The following APPBP2 variants were observed in gnomAD, a reference collection of about 807,000 sequenced individuals.
The protein encoded by APPBP2 is amyloid beta precursor protein binding protein 2, also known as amyloid protein-binding protein 2.
In APPBP2, 15 loss-of-function variants were observed where a neutral mutation model predicts 76.0. The observed-to-expected ratio is 0.20, with a 90% CI of 0.13 to 0.30. The LOEUF (loss-of-function observed/expected upper bound fraction) is 0.30. APPBP2 is among the 10% of genes least tolerant of loss of function. The pLI, the probability that APPBP2 is intolerant of heterozygous loss-of-function variation, is 1.00. For missense variants in APPBP2, 401 were observed against 687.2 expected (o/e 0.58, Z 4.66); for synonymous variants, 222 against 242.2 (o/e 0.92, Z 0.77).
chr17:60,494,050 T>C (rs772177404), intron 3 of APPBP2, among the ~76,000 whole-genome samples: 3 of 152,182 alleles, frequency 2.0e-5, no homozygotes, highest in Admixed American at 6.6e-5. Context: ...ATGGGAAAAC[T>C]GAGGCTCCGA....
intron 3 of APPBP2, among the ~76,000 whole-genome samples, chr17:60,482,962 G>A (rs1224181357): frequency 6.6e-6 from 1 of 152,088 alleles, no homozygotes; most frequent in Non-Finnish European, 1.5e-5. Flanking sequence ...GGGATTGCAG[G>A]GTCAAATAGT....
chr17:60,462,391 AG>A, intron 6 of APPBP2: 1 of 215,068 alleles, frequency 4.6e-6, no homozygotes, highest in Non-Finnish European at 9.1e-6. Flanking sequence ...AATTTACCAC[AG>A]CATTTTCTAA....
chr17:60,462,900 G>A (rs1261819249), intron 6 of APPBP2, among the ~76,000 whole-genome samples: 2 of 146,350 alleles, frequency 1.4e-5, no homozygotes, highest in African/African-American at 2.6e-5. Context: ...GCAGTGACCC[G>A]AGATCGCGCC....
chr17:60,475,760 A>G (rs2090586352), intron 4 of APPBP2, among the ~76,000 whole-genome samples: 2 of 152,052 alleles, frequency 1.3e-5, no homozygotes, highest in South Asian at 4.1e-4. Context: ...AACCCACCAA[A>G]GGAATACATG....
chr17:60,485,333 A>G (rs7209764), intron 3 of APPBP2, among the ~76,000 whole-genome samples: 31,102 of 152,014 alleles, frequency 0.2, 10,588 homozygotes, highest in African/African-American at 0.71. Flanking sequence ...GTCTGGTCCT[A>G]GACTTCTTTT....
chr17:60,486,722 T>C (rs894427395), intron 3 of APPBP2, among the ~76,000 whole-genome samples: 2 of 152,216 alleles, frequency 1.3e-5, no homozygotes, highest in East Asian at 3.8e-4. Flanking sequence ...ATGTGTGAAT[T>C]TGATCCTGTC....
At chr17:60,448,527 T>C (rs572718889) in intron 12 of APPBP2, among the ~76,000 whole-genome samples, 20 of 152,326 alleles carry the variant, frequency 1.3e-4, no homozygotes, top group African/African-American at 4.8e-4. Flanking sequence ...GCAACAGTAT[T>C]TGTAATTACA....
chr17:60,487,153 A>C (rs2090686465), intron 3 of APPBP2, among the ~76,000 whole-genome samples: 1 of 151,694 alleles, frequency 6.6e-6, no homozygotes, highest in Admixed American at 6.6e-5. Flanking sequence ...TATCTTGGGG[A>C]ATCTGACAAT....
intron 12 of APPBP2, among the ~76,000 whole-genome samples, chr17:60,449,052 C>A (rs566099993): frequency 6.6e-6 from 1 of 152,274 alleles, no homozygotes; most frequent in East Asian, 1.9e-4. Context: ...GTGTAAATAA[C>A]CCCAAGTAAC....
At chr17:60,483,257 C>T (rs1453335409) in intron 3 of APPBP2, among the ~76,000 whole-genome samples, 1 of 152,064 alleles carries the variant, frequency 6.6e-6, no homozygotes, top group Non-Finnish European at 1.5e-5. Flanking sequence ...TGTCCTTTGC[C>T]CACTTTTTGA....
intron 1 of APPBP2, among the ~76,000 whole-genome samples, chr17:60,522,603 G>A (rs2091018628): frequency 1.3e-5 from 2 of 152,282 alleles, no homozygotes; most frequent in Middle Eastern, 6.8e-3. Context: ...TTATGAGTGT[G>A]AGCCCTGCGC....
intron 1 of APPBP2, among the ~76,000 whole-genome samples, chr17:60,513,025 G>A (rs1004850223): frequency 1.3e-5 from 2 of 148,666 alleles, no homozygotes; most frequent in Non-Finnish European, 3.0e-5. Flanking sequence ...GCATCTTGGC[G>A]TGAGACAGCG....
intron 8 of APPBP2, 109 bp from the exon 9 acceptor site, chr17:60,460,896 T>A (rs1021779274): frequency 7.1e-6 from 8 of 1,126,274 alleles, no homozygotes; most frequent in Non-Finnish European, 8.2e-6. Context: ...CCATAAAATT[T>A]TGAAGCCCAG....
At position 60,447,329 on chromosome 17, in the gene APPBP2, C is replaced by T; in HGVS notation, c.*252G>A. 2.8e-6 allele frequency: 1 copy of T among 352,728 alleles called. No individual in the cohort carries two copies. The highest frequency in any genetic ancestry group is 5.0e-6 in the Non-Finnish European group (1 of 198,386). The allele number at this position is 352,728 out of a possible 1,614,324, so 21.8% of individuals were successfully genotyped here. On this transcript the variant is annotated 3_prime_UTR_variant, in exon 13 of 13. Transcript: ENST00000083182. ...TTAAAAACAACAAAAAAAAGATTTC[C>T]TGTTGTTTGTTCTACTAGGTTGAAA...
intron 1 of APPBP2, among the ~76,000 whole-genome samples, chr17:60,506,098 AC>A (rs1309179807): frequency 5.3e-5 from 8 of 151,428 alleles, no homozygotes; most frequent in African/African-American, 1.9e-4. Context: ...CAAGCAATGC[AC>A]CCACCTCAGC....
At chr17:60,516,211 G>A (rs1171850971) in intron 1 of APPBP2, among the ~76,000 whole-genome samples, 5 of 151,992 alleles carry the variant, frequency 3.3e-5, no homozygotes, top group Non-Finnish European at 7.4e-5. Context: ...AGATGAGAGT[G>A]GTGGTATCCA....
At chr17:60,516,687 A>C (rs1434083965) in intron 1 of APPBP2, among the ~76,000 whole-genome samples, 2 of 152,216 alleles carry the variant, frequency 1.3e-5, no homozygotes, top group East Asian at 3.8e-4. Context: ...GAACATTCAT[A>C]AGTGTATATA....
At chr17:60,519,984 A>G (rs1166724533) in intron 1 of APPBP2, among the ~76,000 whole-genome samples, 1 of 151,626 alleles carries the variant, frequency 6.6e-6, no homozygotes, top group Non-Finnish European at 1.5e-5. Flanking sequence ...GGATCTCACT[A>G]TGTTGCCCAG....
chr17:60,517,364 C>G (rs1416772711), intron 1 of APPBP2, among the ~76,000 whole-genome samples: 2 of 152,170 alleles, frequency 1.3e-5, no homozygotes, highest in East Asian at 3.8e-4. Context: ...TTCTCCCACT[C>G]TGTGGCTTGA....
Sources: allele counts gnomAD v4.1 joint callset (sites outside exome capture counted in the v4.1 genomes callset), GRCh38; gene constraint gnomAD v4.1.1; transcripts MANE v1.5; gene names NCBI Gene and HGNC (gene_info 2026-07-23, HGNC 2026-07-21).